The following IL18RAP variants were observed in gnomAD, a reference collection of about 807,000 sequenced individuals.
IL18RAP encodes the protein interleukin-18 receptor accessory protein.
IL18RAP carries 37 observed loss-of-function variants against 58.1 expected under a neutral mutation model. The observed-to-expected ratio is 0.64, with a 90% CI of 0.49 to 0.84. The LOEUF is 0.84. Among genes scored for constraint, IL18RAP ranks in the 40% least tolerant of loss-of-function variants. The pLI, the probability that IL18RAP is intolerant of heterozygous loss-of-function variation, is 0.00. For synonymous variants in IL18RAP, 268 were observed against 257.5 expected (o/e 1.04, Z -0.39); for missense variants, 667 against 704.8 (o/e 0.95, Z 0.61).
At chr2:102,429,607 A>T (rs1682201443) in intron 3 of IL18RAP, among the ~76,000 whole-genome samples, 1 of 148,758 alleles carries the variant, frequency 6.7e-6, no homozygotes, top group African/African-American at 2.5e-5. Flanking sequence ...TTTCTTCTGC[A>T]AACTTTGGGC....
intron 9 of IL18RAP, 81 bp downstream of exon 9, chr2:102,451,102 GT>G (rs1683737312): frequency 8.5e-7 from 1 of 1,177,204 alleles, no homozygotes; most frequent in East Asian, 2.4e-5. Flanking sequence ...GTCATTCTTT[GT>G]TTTGGAATAT....
rs201028871 is a variant in IL18RAP, at chr2:102,424,151, A to T, written c.395+16A>T. On this transcript the variant is annotated intron_variant, in intron 2 of 9. Transcript: ENST00000687160. ...AGATGATTAAGTATGATCCAAATAC[A>T]TTTCTATCTGAAAACATTTCCAAAT... 6.2e-7 allele frequency: 1 copy of T among 1,607,094 alleles called. No individual in the cohort carries two copies. Among genetic ancestry groups the T allele is most frequent in the Non-Finnish European group, 8.5e-7 (1 of 1,175,470 alleles).
At chr2:102,427,322 G>A (rs1682014823) in intron 3 of IL18RAP, among the ~76,000 whole-genome samples, 1 of 152,030 alleles carries the variant, frequency 6.6e-6, no homozygotes, top group Non-Finnish European at 1.5e-5. Context: ...TTTCTGATGA[G>A]ACTTCATAGA....
chr2:102,445,049 A>T, intron 6 of IL18RAP, 140 bp from the exon 7 acceptor site: 2 of 635,982 alleles, frequency 3.1e-6, no homozygotes, highest in Admixed American at 2.9e-5. Context: ...TGACCATCTT[A>T]CATTCTCGTG....
chr2:102,428,014 G>A (rs1308597927), intron 3 of IL18RAP, among the ~76,000 whole-genome samples: 1 of 148,018 alleles, frequency 6.8e-6, no homozygotes, highest in East Asian at 2.0e-4. Flanking sequence ...GACCATAAAT[G>A]TGTGGGTTTC....
chr2:102,449,917 A>G (rs1212605960), intron 8 of IL18RAP, among the ~76,000 whole-genome samples: 1 of 152,084 alleles, frequency 6.6e-6, no homozygotes, highest in Non-Finnish European at 1.5e-5. Flanking sequence ...CAGCTCTTTT[A>G]TATCCTCCTC....
At chr2:102,422,075 G>A (rs1207045287), upstream of IL18RAP, among the ~76,000 whole-genome samples, 1 of 152,006 alleles carries the variant, frequency 6.6e-6, no homozygotes, top group Non-Finnish European at 1.5e-5. Flanking sequence ...AGCAGGCGTG[G>A]TTCTTCCCCG....
intron 8 of IL18RAP, among the ~76,000 whole-genome samples, chr2:102,449,262 C>T (rs888664788): frequency 6.6e-6 from 1 of 151,842 alleles, no homozygotes; most frequent in African/African-American, 2.4e-5. Flanking sequence ...AGCAAGACTC[C>T]TTTTCAAAAA....
chr2:102,447,075 C>T lies in IL18RAP; in HGVS notation c.1078C>T (p.Leu360Phe), dbSNP rs1296778087. 11 of 1,613,700 alleles carry T rather than the reference C, an allele frequency of 6.8e-6. No homozygotes were observed. Among genetic ancestry groups the T allele is most frequent in the Non-Finnish European group, 9.3e-6 (11 of 1,179,928 alleles). Residue 360 changes from leucine to phenylalanine, a missense_variant, in exon 8 of 10, where the codon CTC becomes TTC. Leu to Phe is a conservative substitution (Grantham distance 22). Coordinates refer to ENST00000687160, the MANE Select transcript of IL18RAP (RefSeq NM_001393487.1). The part of the protein sequence containing the change: ...VQLKEKRGVV[L>F]LYILLGTIGT... The stretch of plus-strand genomic sequence containing the variant: ...TACTGGCCCTGTCTCCACAGTGGTG[C>T]TCCTGTACATCCTGCTTGGCACCAT...
intron 5 of IL18RAP, 35 bp downstream of exon 5, chr2:102,441,412 T>G (rs932717503): frequency 1.2e-5 from 19 of 1,546,274 alleles, no homozygotes; most frequent in Non-Finnish European, 1.5e-5. Context: ...AATGACATCG[T>G]GCTGCTGGGA....
chr2:102,440,961 C>A (rs1683067668), intron 4 of IL18RAP, among the ~76,000 whole-genome samples: 1 of 152,112 alleles, frequency 6.6e-6, no homozygotes, highest in Non-Finnish European at 1.5e-5. Context: ...ATTCTCCTTT[C>A]AGTTCAATTA....
intron 8 of IL18RAP, among the ~76,000 whole-genome samples, chr2:102,450,205 T>TGTG (rs1683675559): frequency 5.6e-3 from 1 of 180 alleles, no homozygotes; most frequent in Non-Finnish European, 0.015. Flanking sequence ...GAAGTATGCA[T>TGTG]ATGAAAATAT....
intron 8 of IL18RAP, among the ~76,000 whole-genome samples, chr2:102,449,513 A>G (rs1683633511): frequency 6.6e-6 from 1 of 152,190 alleles, no homozygotes; most frequent in African/African-American, 2.4e-5. Flanking sequence ...TGCAAAGACA[A>G]TGTTTTTAGT....
chr2:102,446,653 T>C (rs1431346824), intron 7 of IL18RAP, among the ~76,000 whole-genome samples: 2 of 152,036 alleles, frequency 1.3e-5, no homozygotes, highest in Admixed American at 6.5e-5. Context: ...CAAAAAAAAT[T>C]AGCCGGGCGT....
chr2:102,420,162 C>T (rs933129471), upstream of IL18RAP, among the ~76,000 whole-genome samples: 3 of 152,198 alleles, frequency 2.0e-5, no homozygotes, highest in African/African-American at 4.8e-5. Flanking sequence ...GTCTTGGGCT[C>T]ATGTTGGTCA....
upstream of IL18RAP, among the ~76,000 whole-genome samples, chr2:102,422,757 A>T (rs1681655091): frequency 6.6e-6 from 1 of 152,150 alleles, no homozygotes; most frequent in Non-Finnish European, 1.5e-5. Context: ...ATAGACTAGT[A>T]TATGCAAACA....
intron 3 of IL18RAP, among the ~76,000 whole-genome samples, chr2:102,430,418 C>A (rs776269027): frequency 6.6e-5 from 10 of 151,814 alleles, no homozygotes; most frequent in Non-Finnish European, 1.3e-4. Flanking sequence ...ATATCTTTGT[C>A]CGTTTTTTCC....
chr2:102,431,823 A>T (rs1359501426), intron 3 of IL18RAP, among the ~76,000 whole-genome samples: 1 of 151,796 alleles, frequency 6.6e-6, no homozygotes, highest in East Asian at 1.9e-4. Flanking sequence ...TGTTTTGAAA[A>T]TTGTTTTTAA....
chr2:102,437,249 T>C lies in IL18RAP; in HGVS notation c.617T>C (p.Ile206Thr). The change falls in exon 4 of 10, where the codon ATC becomes ACC. Residue 206 changes from isoleucine to threonine, a missense_variant. Physicochemically the swap from Ile to Thr is moderately conservative, Grantham distance 89. Coordinates refer to ENST00000687160, the MANE Select transcript of IL18RAP (RefSeq NM_001393487.1). ...CTCTCTGTGGAAAGGAGCAACCGAA[T>C]CGTAGTGGATGAAGTTTATGACTAT... ...KLLSVERSNR[I>T]VVDEVYDYHQ... 1 of 1,613,116 alleles carries C rather than the reference T, an allele frequency of 6.2e-7. No individual in the cohort carries two copies. The highest frequency in any genetic ancestry group is 8.5e-7 in the Non-Finnish European group (1 of 1,179,580).
Sources: allele counts gnomAD v4.1 joint callset (sites outside exome capture counted in the v4.1 genomes callset), GRCh38; gene constraint gnomAD v4.1.1; transcripts MANE v1.5; gene names NCBI Gene and HGNC (gene_info 2026-07-23, HGNC 2026-07-21).